VGLL4: variants seen among roughly 807,000 people sequenced by gnomAD.
VGLL4 encodes vestigial like family member 4.
In VGLL4, 7 loss-of-function variants were observed where a neutral mutation model predicts 21.0. The ratio of observed to expected loss-of-function variants is 0.33; its 90% CI spans 0.19 to 0.63. The LOEUF (loss-of-function observed/expected upper bound fraction) is 0.63, where lower values mean the gene tolerates loss of function less well. Ranked by LOEUF, VGLL4 falls within the 20% of genes least tolerant of loss-of-function variation. VGLL4 has a pLI of 0.78. For synonymous variants in VGLL4, 222 were observed against 173.2 expected (o/e 1.28, Z -2.21); for missense variants, 394 against 425.7 (o/e 0.93, Z 0.66).
At chr3:11,665,094 T>C (rs9818802) in intron 2 of VGLL4, among the ~76,000 whole-genome samples, 75,889 of 133,828 alleles carry the variant, frequency 0.57, 22,079 homozygotes, top group Non-Finnish European at 0.62. Context: ...GCAATTTGAA[T>C]ATTTTTCTTT....
intron 2 of VGLL4, among the ~76,000 whole-genome samples, chr3:11,656,630 C>T (rs1386772466): frequency 2.0e-5 from 3 of 152,092 alleles, no homozygotes; most frequent in Admixed American, 6.5e-5. Context: ...TGTGTGGTGT[C>T]GCATTCTCGA....
chr3:11,568,894 C>G lies in VGLL4; in HGVS notation c.273-3875G>C, dbSNP rs1333089804. Reference sequence around the variant, plus strand: ...AGGCTGCACGGCACCCGGCCCCGCCCCGGGCCTCATCCCCATCCTAGGCGG... The same window carrying G: ...AGGCTGCACGGCACCCGGCCCCGCCGCGGGCCTCATCCCCATCCTAGGCGG... On this transcript the variant is annotated intron_variant, in intron 2 of 4. Transcript: ENST00000430365. This position sits in a 1 kb window ranked among gnomAD's most constrained non-coding sequence, Gnocchi z 5.9. 2.3e-6 allele frequency: 3 copies of G among 1,318,674 alleles called. No homozygotes were observed. The African/African-American group carries it at 4.5e-5, about 20-fold the overall frequency. 81.7% of individuals were successfully genotyped at this position (1,318,674 alleles called of 1,614,324 possible).
At chr3:11,577,486 G>A (rs1165295509) in intron 2 of VGLL4, among the ~76,000 whole-genome samples, 4 of 152,056 alleles carry the variant, frequency 2.6e-5, no homozygotes, top group East Asian at 1.9e-4. Context: ...CCAGCTACTC[G>A]GGAGGCTGAG....
chr3:11,605,528 C>T lies in VGLL4; in HGVS notation c.83-3506G>A, dbSNP rs187563405. On this transcript the variant is annotated intron_variant, in intron 1 of 4. Coordinates refer to ENST00000430365, the MANE Select transcript of VGLL4 (RefSeq NM_001128219.3). Reference sequence around the variant, plus strand: ...CATTCCACAGAGAACTTGTTCTTCCCCCAATCTTCTCATTTAAGTTCATAC... The same window carrying T: ...CATTCCACAGAGAACTTGTTCTTCCTCCAATCTTCTCATTTAAGTTCATAC... Among the ~76,000 whole-genome samples, 149 of 152,040 alleles carry T rather than the reference C, an allele frequency of 9.8e-4. 1 individual carries two copies. The highest frequency in any genetic ancestry group is 3.1e-3 in the African/African-American group (127 of 41,452).
intron 1 of VGLL4, among the ~76,000 whole-genome samples, chr3:11,634,417 C>T (rs2075546503): frequency 6.6e-6 from 1 of 152,210 alleles, no homozygotes; most frequent in African/African-American, 2.4e-5. Context: ...CCTCTGTGGC[C>T]ACCGTCAGAA....
At chr3:11,580,564 T>A (rs1259155455) in intron 2 of VGLL4, among the ~76,000 whole-genome samples, 2 of 152,248 alleles carry the variant, frequency 1.3e-5, no homozygotes, top group Admixed American at 6.5e-5. Context: ...CAACACATCA[T>A]TGGTAGTAAA....
intron 1 of VGLL4, among the ~76,000 whole-genome samples, chr3:11,606,042 G>C (rs2074933642): frequency 6.6e-6 from 1 of 152,210 alleles, no homozygotes; most frequent in African/African-American, 2.4e-5. Flanking sequence ...AAGAGAAAGA[G>C]GCTTGATGGA....
Position 11,643,442 on chromosome 3 carries a change from T to C in VGLL4, c.77A>G (p.Tyr26Cys). 2.5e-6 allele frequency: 4 copies of C among 1,614,018 alleles called. No individual in the cohort carries two copies. The highest frequency in any genetic ancestry group is 2.2e-5 in the East Asian group (1 of 44,882). Residue 26 changes from tyrosine to cysteine, a missense_variant, in exon 1 of 5, where the codon TAC (tyrosine) becomes TGC (cysteine). Coordinates refer to ENST00000430365, the MANE Select transcript of VGLL4 (RefSeq NM_001128219.3). ...KMNNNIGILCYEGEAALRGEP... is the reference protein window; with the variant it reads ...KMNNNIGILCCEGEAALRGEP... ...TTCTACAACGGGACATCTACCTTCG[T>C]AGCACAGAATGCCGATATTGTTGTT... is the stretch of plus-strand genomic sequence containing the variant.
chr3:11,664,592 C>T (rs1237152014), intron 2 of VGLL4, among the ~76,000 whole-genome samples: 1 of 152,174 alleles, frequency 6.6e-6, no homozygotes, highest in Non-Finnish European at 1.5e-5. Flanking sequence ...ATCTGGGGAC[C>T]AGGGCTGGAG....
At chr3:11,627,799 ACT>A (rs1483809496) in intron 1 of VGLL4, among the ~76,000 whole-genome samples, 3 of 152,214 alleles carry the variant, frequency 2.0e-5, no homozygotes, top group African/African-American at 7.2e-5. Flanking sequence ...CAGACTATAA[ACT>A]CAACAGAAAT....
intron 2 of VGLL4, among the ~76,000 whole-genome samples, chr3:11,679,485 CG>C (rs1346053134): frequency 6.6e-6 from 1 of 152,084 alleles, no homozygotes; most frequent in Admixed American, 6.5e-5. Flanking sequence ...GAGATCGAGA[CG>C]AGCCTGGCCA....
chr3:11,671,290 T>G (rs1471162206), intron 2 of VGLL4: 3 of 1,595,868 alleles, frequency 1.9e-6, no homozygotes, highest in Non-Finnish European at 2.5e-6. Context: ...GTCTCCAACT[T>G]TTGAGTGCAC....
intron 2 of VGLL4, among the ~76,000 whole-genome samples, chr3:11,600,149 AT>A (rs1475384632): frequency 1.3e-5 from 2 of 152,180 alleles, no homozygotes; most frequent in African/African-American, 4.8e-5. Flanking sequence ...AGCTCTTTGC[AT>A]ATTTTAACTC....
In VGLL4 at chr3:11,565,509, G is replaced by C. The variant is rs1302440037; in HGVS notation, c.273-490C>G. 6.6e-6 allele frequency among the ~76,000 whole-genome samples: 1 copy of C among 152,176 alleles called. No individual in the cohort carries two copies. Among genetic ancestry groups the C allele is most frequent in the Non-Finnish European group, 1.5e-5 (1 of 68,018 alleles). On this transcript the variant is annotated intron_variant, in intron 2 of 4. Transcript: ENST00000430365. The surrounding 1 kb of genome is among the most constrained non-coding windows in gnomAD (Gnocchi z 4.1). ...CAGCCCGTCTTCCTAACAGCACTAAGCAGGCAATGCTGCCACCATCCCCTT... is the reference window on the plus strand; with the variant it reads ...CAGCCCGTCTTCCTAACAGCACTAACCAGGCAATGCTGCCACCATCCCCTT...
chr3:11,619,647 AC>A (rs779748998), intron 1 of VGLL4, among the ~76,000 whole-genome samples: 105 of 152,184 alleles, frequency 6.9e-4, no homozygotes, highest in Non-Finnish European at 1.3e-3. Flanking sequence ...GTCTAGAGCC[AC>A]CATAGGGCTG....
At chr3:11,602,782 C>T (rs2074838994) in intron 1 of VGLL4, among the ~76,000 whole-genome samples, 1 of 152,134 alleles carries the variant, frequency 6.6e-6, no homozygotes, top group South Asian at 2.1e-4. Context: ...AGGTTTTGTA[C>T]TAGGCAATCA....
In VGLL4 at chr3:11,698,588, A is replaced by G. The variant is rs572282967; in HGVS notation, c.64+4383T>C. Among the ~76,000 whole-genome samples, 349 of 152,324 alleles carry G rather than the reference A, an allele frequency of 2.3e-3. 3 individuals are homozygous for G. The highest frequency in any genetic ancestry group is 7.9e-3 in the African/African-American group (328 of 41,564). ...CACTGAAAGGAGAGGTTCCTCAAGC[A>G]CAAGGAAGAACAGCAATCTCAAGTT... is the stretch of plus-strand genomic sequence containing the variant. On this transcript the variant is annotated intron_variant, in intron 2 of 5. Transcript: ENST00000273038.
chr3:11,558,500 G>C lies in VGLL4; in HGVS notation c.*56C>G. On this transcript the variant is annotated 3_prime_UTR_variant, in exon 5 of 5. Transcript: ENST00000430365. ...ATTTTTTTTTTTTTAAGTACTGACTGTTCAAAGCTCAGGCAAACCATGCAG... is the reference window on the plus strand; with the variant it reads ...ATTTTTTTTTTTTTAAGTACTGACTCTTCAAAGCTCAGGCAAACCATGCAG... 1 of 1,219,750 alleles carries C rather than the reference G, an allele frequency of 8.2e-7. No individual in the cohort carries two copies. Among genetic ancestry groups the C allele is most frequent in the Non-Finnish European group, 1.1e-6 (1 of 909,302 alleles). The allele number at this position is 1,219,750 out of a possible 1,614,324, so 75.6% of individuals were successfully genotyped here.
intron 1 of VGLL4, among the ~76,000 whole-genome samples, chr3:11,709,046 G>A (rs981482955): frequency 6.6e-6 from 1 of 152,004 alleles, no homozygotes; most frequent in Non-Finnish European, 1.5e-5. Context: ...GGGCAACAGA[G>A]TAAGATTCCA....
Sources: gnomAD v4.1 joint callset for allele counts (sites outside exome capture counted in the v4.1 genomes callset) on GRCh38, gnomAD v4.1.1 for gene constraint, Gnocchi (gnomAD v3.1) non-coding constraint, MANE v1.5 for transcripts, NCBI Gene and HGNC (gene_info 2026-07-23, HGNC 2026-07-21) for gene names.